CLNK: variants seen among roughly 807,000 people sequenced by gnomAD.
The protein encoded by CLNK is cytokine dependent hematopoietic cell linker.
In CLNK, 74 loss-of-function variants were observed where a neutral mutation model predicts 68.6. That is an observed-to-expected ratio of 1.08 (90% CI 0.89 to 1.31). The LOEUF is 1.31. CLNK is among the 50% of genes most tolerant of loss of function. The pLI is 0.00. For missense variants in CLNK, 553 were observed against 515.3 expected (o/e 1.07, Z -0.71); for synonymous variants, 198 against 172.2 (o/e 1.15, Z -1.17).
chr4:10,618,074 C>T (rs531433535), intron 2 of CLNK, among the ~76,000 whole-genome samples: 15 of 152,194 alleles, frequency 9.9e-5, no homozygotes, highest in East Asian at 3.9e-4. Flanking sequence ...GACTTACACA[C>T]GAACATTCTT....
intron 2 of CLNK, among the ~76,000 whole-genome samples, chr4:10,639,968 C>T (rs1235142379): frequency 6.6e-6 from 1 of 152,218 alleles, no homozygotes; most frequent in Non-Finnish European, 1.5e-5. Flanking sequence ...TTTCTAATGT[C>T]TGGGCTTTGT....
At chr4:10,596,817 G>A (rs1721404476) in intron 3 of CLNK, among the ~76,000 whole-genome samples, 1 of 151,904 alleles carries the variant, frequency 6.6e-6, no homozygotes, top group Non-Finnish European at 1.5e-5. Flanking sequence ...TTCTCTGTCT[G>A]TCTTTTTTCC....
intron 10 of CLNK, among the ~76,000 whole-genome samples, chr4:10,541,231 A>AAAAAG (rs1719008325): frequency 6.6e-6 from 1 of 151,700 alleles, no homozygotes; most frequent in African/African-American, 2.4e-5. Flanking sequence ...ACAAAAAAAA[A>AAAAAG]AAAACCCAAT....
At chr4:10,500,513 A>T (rs7662131) in intron 18 of CLNK, among the ~76,000 whole-genome samples, 151,113 of 152,208 alleles carry the variant, frequency 0.99, 75,027 homozygotes, top group Non-Finnish European at 1. Context: ...AAACCCCATC[A>T]CTACTAAAAT....
the CLNK span, among the ~76,000 whole-genome samples, chr4:10,709,735 T>C: frequency 6.6e-6 from 1 of 152,194 alleles, no homozygotes. Flanking sequence ...CACACTTTTC[T>C]TAGCTCACTT....
intron 7 of CLNK, among the ~76,000 whole-genome samples, chr4:10,563,884 G>T (rs1236237506): frequency 6.6e-6 from 1 of 151,936 alleles, no homozygotes; most frequent in Non-Finnish European, 1.5e-5. Flanking sequence ...TCCAGCCTGG[G>T]CAACAGAGCA....
At chr4:10,561,672 C>T (rs1357890883) in intron 7 of CLNK, among the ~76,000 whole-genome samples, 1 of 152,186 alleles carries the variant, frequency 6.6e-6, no homozygotes, top group Non-Finnish European at 1.5e-5. Flanking sequence ...GCTTTATGCT[C>T]TGGTGATGAG....
At chr4:10,661,959 T>C (rs1724206898) in intron 2 of CLNK, among the ~76,000 whole-genome samples, 1 of 152,226 alleles carries the variant, frequency 6.6e-6, no homozygotes, top group Non-Finnish European at 1.5e-5. Flanking sequence ...CACCTCTAAA[T>C]ATCTATCTCT....
At chr4:10,499,980 G>T (rs1716973242) in intron 18 of CLNK, among the ~76,000 whole-genome samples, 1 of 152,194 alleles carries the variant, frequency 6.6e-6, no homozygotes, top group African/African-American at 2.4e-5. Context: ...GCTACTGAGG[G>T]TTAGGACTTC....
At chr4:10,503,572 TTATA>T (rs1717149326) in intron 17 of CLNK, among the ~76,000 whole-genome samples, 1 of 148,432 alleles carries the variant, frequency 6.7e-6, no homozygotes, top group South Asian at 2.1e-4. Flanking sequence ...CTATATATAA[TTATA>T]TACTTCAATA....
intron 5 of CLNK, among the ~76,000 whole-genome samples, chr4:10,567,941 G>A (rs1257722507): frequency 4.0e-5 from 6 of 150,498 alleles, no homozygotes; most frequent in Non-Finnish European, 7.3e-5. Flanking sequence ...CAAGAATGTG[G>A]AGAATTTGAG....
the CLNK span, among the ~76,000 whole-genome samples, chr4:10,724,935 G>A: frequency 6.6e-6 from 1 of 152,122 alleles, no homozygotes. Context: ...AAAATTCAAA[G>A]ACCTAAGAGG....
chr4:10,696,736 A>T, the CLNK span, among the ~76,000 whole-genome samples: 1 of 152,248 alleles, frequency 6.6e-6, no homozygotes, highest in South Asian at 2.1e-4. Flanking sequence ...ATTTGCCCTC[A>T]TTCCAGCCTC....
chr4:10,664,493 G>C (rs895200331), intron 2 of CLNK, among the ~76,000 whole-genome samples: 2 of 152,194 alleles, frequency 1.3e-5, no homozygotes, highest in Non-Finnish European at 2.9e-5. Flanking sequence ...CTGACATGTG[G>C]CTCCTTCTCT....
chr4:10,505,036 A>G (rs1158772775), intron 17 of CLNK, among the ~76,000 whole-genome samples: 2 of 152,192 alleles, frequency 1.3e-5, no homozygotes, highest in African/African-American at 2.4e-5. Flanking sequence ...CACAATCCAC[A>G]CATGGGCTTC....
intron 17 of CLNK, among the ~76,000 whole-genome samples, chr4:10,502,943 T>C (rs1717114775): frequency 6.6e-6 from 1 of 152,074 alleles, no homozygotes; most frequent in African/African-American, 2.4e-5. Flanking sequence ...GTCCAAGAGC[T>C]GAGAACAGGA....
chr4:10,489,212 C>T lies in CLNK; in HGVS notation c.*1255G>A, dbSNP rs1716463246. 1 of 152,170 alleles carries T rather than the reference C, an allele frequency of 6.6e-6. No homozygotes were observed. The highest frequency in any genetic ancestry group is 2.4e-5 in the African/African-American group (1 of 41,440). 9.4% of individuals were successfully genotyped at this position (152,170 alleles called of 1,614,324 possible). ...TCATATTGAGTAAGATCAATAGCTACTTCGAGCCTCTGTTTCCTCATCTTT... is the reference window on the plus strand; with the variant it reads ...TCATATTGAGTAAGATCAATAGCTATTTCGAGCCTCTGTTTCCTCATCTTT... On this transcript the variant is annotated 3_prime_UTR_variant, in exon 19 of 19. Coordinates refer to ENST00000226951, the MANE Select transcript of CLNK (RefSeq NM_052964.4).
chr4:10,692,867 G>A, the CLNK span, among the ~76,000 whole-genome samples: 1 of 152,180 alleles, frequency 6.6e-6, no homozygotes, highest in Admixed American at 6.5e-5. Context: ...GAAAAGAAAG[G>A]GTTAAACAGA....
At position 10,532,262 on chromosome 4, in the gene CLNK, T is replaced by G. The variant is rs760135641; in HGVS notation, c.624A>C (p.Leu208Phe). Residue 208 changes from leucine to phenylalanine, a missense_variant, in exon 12 of 19, where the codon TTA becomes TTC. Transcript: ENST00000226951. ...GGATAAAATTGCTACTTACCTCACT[T>G]AAGTCCCTTAAGCTTATCTGACTGC... ...RMPSQISLRDLSEVLEAEKVP... is the reference protein window; with the variant it reads ...RMPSQISLRDFSEVLEAEKVP... The G allele has an allele frequency of 1.2e-6, 2 of 1,610,590 alleles. No homozygotes were observed. The highest frequency in any genetic ancestry group is 1.1e-5 in the South Asian group (1 of 90,592).
Sources: gnomAD v4.1 joint callset for allele counts (sites outside exome capture counted in the v4.1 genomes callset) on GRCh38, gnomAD v4.1.1 for gene constraint, MANE v1.5 for transcripts, NCBI Gene and HGNC (gene_info 2026-07-23, HGNC 2026-07-21) for gene names.